KNL1: variants seen among roughly 807,000 people sequenced by gnomAD.
KNL1 encodes the protein outer kinetochore KNL1 complex subunit KNL1.
In KNL1, 66 loss-of-function variants were observed where a neutral mutation model predicts 201.3. The observed-to-expected ratio is 0.33, with a 90% CI of 0.27 to 0.40. The LOEUF (loss-of-function observed/expected upper bound fraction) is 0.40. KNL1 is among the 10% of genes least tolerant of loss of function. The probability of loss-of-function intolerance (pLI) is 1.00; values close to 1 mark genes in which losing one functional copy is unlikely to be tolerated. For synonymous variants in KNL1, 895 were observed against 899.2 expected (o/e 1.00, Z 0.08); for missense variants, 2,815 against 2,690.5 (o/e 1.05, Z -1.02).
chr15:40,635,187 T>C (rs1449283000), intron 13 of KNL1, among the ~76,000 whole-genome samples: 3 of 151,762 alleles, frequency 2.0e-5, no homozygotes, highest in South Asian at 2.1e-4. Flanking sequence ...TAGCTGGGAC[T>C]ACAGGCACCT....
At chr15:40,619,755 T>A (rs1166677550) in intron 9 of KNL1, among the ~76,000 whole-genome samples, 1 of 152,208 alleles carries the variant, frequency 6.6e-6, no homozygotes, top group Non-Finnish European at 1.5e-5. Context: ...CCTAGACTTT[T>A]AAAATTTAGG....
chr15:40,610,564 G>A (rs1273022486), intron 6 of KNL1, among the ~76,000 whole-genome samples: 2 of 151,954 alleles, frequency 1.3e-5, no homozygotes, highest in African/African-American at 2.4e-5. Context: ...AGGTGTGGGG[G>A]TGCATTCCTG....
Position 40,662,055 on chromosome 15 carries a change from T to C in KNL1, c.6837-19T>C. On this transcript the variant is annotated intron_variant, in intron 25 of 25. Coordinates refer to ENST00000399668, the MANE Select transcript of KNL1 (RefSeq NM_144508.5). ...CTCCGTCGCAAAAAAGAAAATTGAT[T>C]AACCTTTGTTCTTTCCAGCCAAGAT... 2.1e-6 allele frequency: 3 copies of C among 1,436,462 alleles called. No homozygotes were observed. Among genetic ancestry groups the C allele is most frequent in the Non-Finnish European group, 2.9e-6 (3 of 1,020,082 alleles). The allele number at this position is 1,436,462 out of a possible 1,614,324, so 89.0% of individuals were successfully genotyped here.
intron 10 of KNL1, chr15:40,625,933 G>A: frequency 3.2e-6 from 1 of 308,978 alleles, no homozygotes; most frequent in Non-Finnish European, 6.1e-6. Flanking sequence ...CAAAAGGTAT[G>A]TATACTGTCA....
At chr15:40,629,230 A>C (rs770745829) in intron 12 of KNL1, 43 bp from the exon 13 acceptor site, 10 of 1,103,208 alleles carry the variant, frequency 9.1e-6, no homozygotes, top group Middle Eastern at 4.1e-4. Context: ...ATCAAAGTGA[A>C]ATCACATTGA....
chr15:40,610,786 T>G (rs771447426), intron 6 of KNL1: 23 of 455,568 alleles, frequency 5.0e-5, no homozygotes, highest in Non-Finnish European at 1.0e-4. Context: ...GGATTTTCAC[T>G]GTTGTTCCCC....
intron 16 of KNL1, 109 bp downstream of exon 16, chr15:40,645,881 G>C (rs1893369568): frequency 1.1e-5 from 6 of 559,542 alleles, no homozygotes; most frequent in Non-Finnish European, 1.7e-5. Context: ...TAAGACTTGG[G>C]CAAAAACTTA....
In KNL1 at chr15:40,629,308, C is replaced by T; in HGVS notation, c.5619C>T (p.Phe1873=). The T allele has an allele frequency of 6.2e-7, 1 of 1,602,596 alleles. No homozygotes were observed. The highest frequency in any genetic ancestry group is 8.5e-7 in the Non-Finnish European group (1 of 1,177,484). The change falls in exon 13 of 26, where the codon TTC becomes TTT. Residue 1873 remains phenylalanine (F), a synonymous_variant. Transcript: ENST00000399668. ...LQDGRITIRE[F]FILLQVHILI... ...ATGGGAGAATAACAATAAGGGAGTT[C>T]TTTATACTTCTCCAGGTCCACATCT...
chr15:40,663,282 A>G lies in KNL1; in HGVS notation c.*1094A>G, dbSNP rs538436178. The G allele has an allele frequency of 1.2e-5, 2 of 170,646 alleles. No individual in the cohort carries two copies. The highest frequency in any genetic ancestry group is 2.0e-4 in the South Asian group (1 of 4,966). The allele number at this position is 170,646 out of a possible 1,614,324, so 10.6% of individuals were successfully genotyped here. On this transcript the variant is annotated 3_prime_UTR_variant, in exon 26 of 26. Transcript: ENST00000399668. ...CACGATGTTAGCCAGGATGGTCTCG[A>G]TCTCCTGACCTCGTGATCCGCCTGC...
At chr15:40,661,901 C>T (rs1256578212) in intron 25 of KNL1, among the ~76,000 whole-genome samples, 173 bp from the exon 26 acceptor site, 3 of 151,980 alleles carry the variant, frequency 2.0e-5, no homozygotes, top group East Asian at 1.9e-4. Flanking sequence ...ATTAGCCGGG[C>T]GTGGTGGCAG....
rs1219202947 is a variant in KNL1 at position 40,657,494 on chromosome 15, G to T, written c.6713+21G>T. ...AATGAGTAAGTGTATTAGTTCCCAA[G>T]GACTGCCATGACAGAGTACTACAAA... On this transcript the variant is annotated intron_variant, in intron 24 of 25. Transcript: ENST00000399668. 4.1e-6 allele frequency: 5 copies of T among 1,226,148 alleles called. No homozygotes were observed. The East Asian group carries it at 9.3e-5, about 23-fold the overall frequency. 76.0% of individuals were successfully genotyped at this position (1,226,148 alleles called of 1,614,324 possible). A position where few individuals can be genotyped will look rare whatever the true frequency, so the allele number is the denominator to read the frequency against.
chr15:40,595,966 T>G (rs1891608918), intron 1 of KNL1, among the ~76,000 whole-genome samples: 1 of 152,186 alleles, frequency 6.6e-6, no homozygotes, highest in African/African-American at 2.4e-5. Context: ...TACATGGTCT[T>G]TGTCACATAT....
chr15:40,659,892 T>TTGTGTGTGTGTGTGTGTGTG lies in KNL1; in HGVS notation c.6836+432_6836+433insGTGTGTGTGTGTGTGTGTGT, dbSNP rs749156028. On this transcript the variant is annotated intron_variant, in intron 25 of 25. Transcript: ENST00000399668. ...TTCTCTTGAGTTCATTTTGAAGAAT[T>TTGTGTGTGTGTGTGTGTGTG]TATGTGTGTGTGTGTGTGTGTGTGT... Among the ~76,000 whole-genome samples, 139 of 120,178 alleles carry TTGTGTGTGTGTGTGTGTGTG rather than the reference T, an allele frequency of 1.2e-3. 2 individuals are homozygous for TTGTGTGTGTGTGTGTGTGTG. The highest frequency in any genetic ancestry group is 6.2e-3 in the East Asian group (27 of 4,390). The allele number at this position is 120,178 out of a possible 152,430, so 78.8% of individuals were successfully genotyped here. A position where few individuals can be genotyped will look rare whatever the true frequency, so the allele number is the denominator to read the frequency against.
At chr15:40,595,926 C>G (rs1378319735) in intron 1 of KNL1, among the ~76,000 whole-genome samples, 2 of 152,138 alleles carry the variant, frequency 1.3e-5, no homozygotes, top group Non-Finnish European at 2.9e-5. Context: ...GGCAAAGAGC[C>G]AGATAGTAAA....
At chr15:40,649,455 C>G (rs1175732907) in intron 17 of KNL1, among the ~76,000 whole-genome samples, 4 of 151,878 alleles carry the variant, frequency 2.6e-5, no homozygotes, top group Non-Finnish European at 5.9e-5. Flanking sequence ...ACCACCACCC[C>G]CAGCTAATTT....
At chr15:40,607,184 G>A (rs1892003899) in intron 4 of KNL1, among the ~76,000 whole-genome samples, 1 of 152,240 alleles carries the variant, frequency 6.6e-6, no homozygotes, top group African/African-American at 2.4e-5. Context: ...ATAGGCATGA[G>A]CCATCGTGCT....
In KNL1 at chr15:40,625,240, A is replaced by G. The variant is rs375760428; in HGVS notation, c.4976A>G (p.Asn1659Ser). The G allele has an allele frequency of 1.9e-6, 3 of 1,614,058 alleles. No homozygotes were observed. The highest frequency in any genetic ancestry group is 2.5e-6 in the Non-Finnish European group (3 of 1,179,954). Residue 1659 changes from asparagine (N) to serine (S), a missense_variant, in exon 10 of 26, where the codon AAC (asparagine) becomes AGC (serine). Transcript: ENST00000399668. ...GGAATCTTTTTGCCTAGATTGCCCA[A>G]CAAGAGAAATTGTAGTGTCACTGGT... Reference protein sequence around the residue: ...SLGIFLPRLPNKRNCSVTGID... With the variant: ...SLGIFLPRLPSKRNCSVTGID...
chr15:40,597,900 G>A (rs1229305947), intron 1 of KNL1, among the ~76,000 whole-genome samples: 2 of 152,148 alleles, frequency 1.3e-5, no homozygotes, highest in African/African-American at 4.8e-5. Context: ...CCCTGGGCGC[G>A]GTGGCTCACG....
chr15:40,611,164 A>C (rs541270422), intron 6 of KNL1, among the ~76,000 whole-genome samples: 10 of 150,668 alleles, frequency 6.6e-5, no homozygotes, highest in African/African-American at 2.2e-4. Flanking sequence ...GCTAGAGTGC[A>C]GTGGTGCGAT....
Sources: allele counts gnomAD v4.1 joint callset (sites outside exome capture counted in the v4.1 genomes callset), GRCh38; gene constraint gnomAD v4.1.1; transcripts MANE v1.5; gene names NCBI Gene and HGNC (gene_info 2026-07-23, HGNC 2026-07-21).